Variants in CDH8 observed in about 807,000 individuals in gnomAD.
CDH8 encodes the protein cadherin-8.
In CDH8, 17 loss-of-function variants were observed where a neutral mutation model predicts 68.1. The ratio of observed to expected loss-of-function variants is 0.25; its 90% CI spans 0.17 to 0.37. CDH8 has a LOEUF of 0.37. Ranked by LOEUF, CDH8 falls within the 10% of genes least tolerant of loss-of-function variation. The probability of loss-of-function intolerance (pLI) is 1.00; values close to 1 mark genes in which losing one functional copy is unlikely to be tolerated. For missense variants in CDH8, 763 were observed against 999.3 expected (o/e 0.76, Z 3.19); for synonymous variants, 372 against 365.1 (o/e 1.02, Z -0.21).
At chr16:61,718,869 AATAG>A (rs1404742586) in intron 9 of CDH8, among the ~76,000 whole-genome samples, 4 of 151,356 alleles carry the variant, frequency 2.6e-5, no homozygotes, top group African/African-American at 9.7e-5. Flanking sequence ...GGTGCTTAAA[AATAG>A]ATAGGCATAC....
intron 9 of CDH8, among the ~76,000 whole-genome samples, chr16:61,724,039 T>C (rs1428853977): frequency 6.6e-6 from 1 of 150,612 alleles, no homozygotes; most frequent in Non-Finnish European, 1.5e-5. Flanking sequence ...TATTTAATTA[T>C]GTAACAGAGA....
chr16:61,870,628 T>A (rs913770097), intron 3 of CDH8, among the ~76,000 whole-genome samples: 1 of 152,192 alleles, frequency 6.6e-6, no homozygotes, highest in East Asian at 1.9e-4. Flanking sequence ...TTAATTACTG[T>A]AAACCAAAAA....
chr16:61,840,919 T>G (rs1020974857), intron 4 of CDH8, among the ~76,000 whole-genome samples: 1 of 149,962 alleles, frequency 6.7e-6, no homozygotes, highest in Non-Finnish European at 1.5e-5. Context: ...ATCCCAGAAC[T>G]TAACATAAAA....
rs1365101388 is a variant in CDH8 at position 61,651,095 on chromosome 16, A to G, written c.*2513T>C. ...AAATACTGTAATTATTCTGTTAGAC[A>G]TATTTGTGTGTCTATAATCTTTGGG... On this transcript the variant is annotated 3_prime_UTR_variant, in exon 12 of 12. Transcript: ENST00000577390. 6.6e-6 allele frequency: 1 copy of G among 152,154 alleles called. No individual in the cohort carries two copies. Among genetic ancestry groups the G allele is most frequent in the Non-Finnish European group, 1.5e-5 (1 of 68,016 alleles). 9.4% of individuals were successfully genotyped at this position (152,154 alleles called of 1,614,324 possible). A position where few individuals can be genotyped will look rare whatever the true frequency, so the allele number is the denominator to read the frequency against.
intron 2 of CDH8, among the ~76,000 whole-genome samples, chr16:61,961,306 CAT>C (rs1428967555): frequency 6.6e-6 from 1 of 151,426 alleles, no homozygotes; most frequent in African/African-American, 2.4e-5. Context: ...CAGAGTGAGA[CAT>C]AGTCTCAAAA....
Position 62,018,350 on chromosome 16 carries a change from C to T in CDH8, c.252+2802G>A, listed in dbSNP as rs145426665. On this transcript the variant is annotated intron_variant, in intron 2 of 11. Coordinates refer to ENST00000577390, the MANE Select transcript of CDH8 (RefSeq NM_001796.5). ...TCAGCCTGCTAGGTCAGAGGCGCCGCCATGGTGACTCGCAGGAGGGCCTTT... is the reference window on the plus strand; with the variant it reads ...TCAGCCTGCTAGGTCAGAGGCGCCGTCATGGTGACTCGCAGGAGGGCCTTT... 9.9e-5 allele frequency among the ~76,000 whole-genome samples: 15 copies of T among 152,274 alleles called. No homozygotes were observed. The East Asian group carries it at 2.9e-3, about 29-fold the overall frequency.
chr16:61,843,196 C>G (rs1001815185), intron 4 of CDH8, among the ~76,000 whole-genome samples: 5 of 151,900 alleles, frequency 3.3e-5, no homozygotes, highest in African/African-American at 9.7e-5. Flanking sequence ...CAATTTTACA[C>G]GCTAAATCAT....
intron 2 of CDH8, among the ~76,000 whole-genome samples, chr16:61,944,427 G>A (rs1036646884): frequency 8.5e-5 from 13 of 152,122 alleles, no homozygotes; most frequent in African/African-American, 3.1e-4. Flanking sequence ...TGCTGGGGGA[G>A]GTGGCATTGC....
chr16:61,943,054 C>T (rs1964749163), intron 2 of CDH8, among the ~76,000 whole-genome samples: 1 of 152,130 alleles, frequency 6.6e-6, no homozygotes, highest in Non-Finnish European at 1.5e-5. Context: ...AGAGTGAGAC[C>T]TTGTTTCAAA....
At chr16:61,986,528 G>A (rs1408845418) in intron 2 of CDH8, among the ~76,000 whole-genome samples, 3 of 152,186 alleles carry the variant, frequency 2.0e-5, no homozygotes, top group African/African-American at 7.2e-5. Context: ...AAGAAAGGAA[G>A]AATGCGCACT....
chr16:61,692,568 T>G (rs1322215276), intron 10 of CDH8: 4 of 61,550 alleles, frequency 6.5e-5, no homozygotes, highest in Admixed American at 1.5e-4. Flanking sequence ...GAGTTGTGGG[T>G]TTTTTTTTTT....
At chr16:61,700,304 G>A (rs1484542294) in intron 10 of CDH8, among the ~76,000 whole-genome samples, 2 of 147,144 alleles carry the variant, frequency 1.4e-5, no homozygotes, top group African/African-American at 5.0e-5. Flanking sequence ...CTTTTGAGAC[G>A]GCGTCTCACT....
At chr16:61,819,904 C>A (rs1229445966) in intron 6 of CDH8, among the ~76,000 whole-genome samples, 1 of 151,994 alleles carries the variant, frequency 6.6e-6, no homozygotes, top group Non-Finnish European at 1.5e-5. Flanking sequence ...GTTTGAAGAA[C>A]AATATTGAAG....
intron 4 of CDH8, among the ~76,000 whole-genome samples, chr16:61,849,931 C>T (rs1962904397): frequency 1.3e-5 from 2 of 151,964 alleles, no homozygotes; most frequent in African/African-American, 4.8e-5. Context: ...TTGTGAAGAT[C>T]AAAAGCAAAT....
chr16:61,990,934 GAA>G (rs2150589210), intron 2 of CDH8, among the ~76,000 whole-genome samples: 2 of 149,898 alleles, frequency 1.3e-5, no homozygotes, highest in African/African-American at 4.9e-5. Context: ...GGAAGGAAAA[GAA>G]AGAAACAGAG....
In CDH8 at chr16:61,650,706, T is replaced by TGTGTGAGAGAGAGAGAGAGA. The variant is rs745949180; in HGVS notation, c.*2901_*2902insTCTCTCTCTCTCTCTCACAC. On this transcript the variant is annotated 3_prime_UTR_variant, in exon 12 of 12. Transcript: ENST00000577390. Reference sequence around the variant, plus strand: ...GTGTGTGTGTGTGTGTGTGTGTGTGTGAGAGAGAGAGAGAGAGAGAGAGAG... The same window carrying TGTGTGAGAGAGAGAGAGAGA: ...GTGTGTGTGTGTGTGTGTGTGTGTGTGTGTGAGAGAGAGAGAGAGAGAGAGAGAGAGAGAGAGAGAGAGAG... The TGTGTGAGAGAGAGAGAGAGA allele has an allele frequency of 3.4e-5, 4 of 116,684 alleles. No homozygotes were observed. Among genetic ancestry groups the TGTGTGAGAGAGAGAGAGAGA allele is most frequent in the African/African-American group, 1.0e-4 (3 of 29,868 alleles). 7.2% of individuals were successfully genotyped at this position (116,684 alleles called of 1,614,324 possible). A position where few individuals can be genotyped will look rare whatever the true frequency, so the allele number is the denominator to read the frequency against.
At chr16:61,968,095 C>G (rs997054676) in intron 2 of CDH8, among the ~76,000 whole-genome samples, 31 of 152,276 alleles carry the variant, frequency 2.0e-4, no homozygotes, top group African/African-American at 6.7e-4. Flanking sequence ...CATAAGCAAC[C>G]GGGCTGGGCC....
intron 6 of CDH8, 146 bp downstream of exon 6, chr16:61,820,780 C>T: frequency 1.7e-6 from 1 of 605,414 alleles, no homozygotes; most frequent in South Asian, 2.3e-5. Context: ...GCCAAAAGGA[C>T]TGTACTAGTT....
At chr16:61,701,195 A>C (rs1421114065) in intron 10 of CDH8, among the ~76,000 whole-genome samples, 3 of 152,202 alleles carry the variant, frequency 2.0e-5, no homozygotes, top group Non-Finnish European at 4.4e-5. Flanking sequence ...CGTGATGTAT[A>C]GTTCTAATGT....
Sources: allele counts gnomAD v4.1 joint callset (sites outside exome capture counted in the v4.1 genomes callset), GRCh38; gene constraint gnomAD v4.1.1; transcripts MANE v1.5; gene names NCBI Gene and HGNC (gene_info 2026-07-23, HGNC 2026-07-21).